FGD4: variants seen among roughly 807,000 people sequenced by gnomAD.
The protein encoded by FGD4 is FYVE, RhoGEF and PH domain-containing protein 4.
In FGD4, 42 loss-of-function variants were observed where a neutral mutation model predicts 102.0. That is an observed-to-expected ratio of 0.41 (90% CI 0.32 to 0.53). The LOEUF (loss-of-function observed/expected upper bound fraction) is 0.53, where lower values mean the gene tolerates loss of function less well. FGD4 is among the 20% of genes least tolerant of loss of function. The pLI is 0.21. For synonymous variants in FGD4, 380 were observed against 375.7 expected (o/e 1.01, Z -0.13); for missense variants, 902 against 1,078.2 (o/e 0.84, Z 2.29).
intron 1 of FGD4, among the ~76,000 whole-genome samples, chr12:32,551,316 A>G (rs752040337): frequency 6.6e-5 from 10 of 152,246 alleles, no homozygotes; most frequent in African/African-American, 9.6e-5. Context: ...GCATTATTAC[A>G]TAAGTGTTAG....
chr12:32,416,510 C>T (rs1445269690), intron 1 of FGD4, among the ~76,000 whole-genome samples: 5 of 151,792 alleles, frequency 3.3e-5, no homozygotes, highest in Non-Finnish European at 4.4e-5. Context: ...GTCCATTGTA[C>T]GTTGGACATG....
chr12:32,573,166 G>A (rs2136346635), intron 2 of FGD4, among the ~76,000 whole-genome samples: 1 of 152,274 alleles, frequency 6.6e-6, no homozygotes, highest in Non-Finnish European at 1.5e-5. Flanking sequence ...CGCGATCTCG[G>A]CTCACTGGAA....
intron 1 of FGD4, among the ~76,000 whole-genome samples, chr12:32,497,969 C>T (rs1212722046): frequency 1.3e-5 from 2 of 152,172 alleles, no homozygotes; most frequent in East Asian, 3.8e-4. Context: ...AATTTTAGAG[C>T]TGAAGAGACC....
intron 3 of FGD4, among the ~76,000 whole-genome samples, chr12:32,579,039 G>GTTTTTTTTTTTTTTTTTTTTTTTTT (rs35186090): frequency 1.5e-5 from 1 of 66,128 alleles, no homozygotes. Context: ...AACATTAGTG[G>GTTTTTTTTTTTTTTTTTTTTTTTTT]TTTTTTTTTT....
At chr12:32,575,838 G>A (rs1221800845) in intron 2 of FGD4, among the ~76,000 whole-genome samples, 3 of 152,180 alleles carry the variant, frequency 2.0e-5, no homozygotes, top group Non-Finnish European at 4.4e-5. Context: ...CTTATTAGCT[G>A]TGGATTCTGG....
At position 32,599,442 on chromosome 12, in the gene FGD4, C is replaced by T. The variant is rs527648093; in HGVS notation, c.1101+856C>T. On this transcript the variant is annotated intron_variant, in intron 5 of 16. Coordinates refer to ENST00000534526, the MANE Select transcript of FGD4 (RefSeq NM_001370298.3). Reference sequence around the variant, plus strand: ...CCGGGAGGCGGAGCTTGCAGTGAGCCGAGATCGCGCCACTAGCACTCCAGC... The same window carrying T: ...CCGGGAGGCGGAGCTTGCAGTGAGCTGAGATCGCGCCACTAGCACTCCAGC... Among the ~76,000 whole-genome samples the T allele has an allele frequency of 9.9e-3, 1,017 of 102,324 alleles. 14 individuals carry two copies. Among genetic ancestry groups the T allele is most frequent in the Non-Finnish European group, 0.016 (866 of 54,700 alleles). 67.1% of individuals were successfully genotyped at this position (102,324 alleles called of 152,430 possible). A position where few individuals can be genotyped will look rare whatever the true frequency, so the allele number is the denominator to read the frequency against.
At position 32,572,487 on chromosome 12, in the gene FGD4, A is replaced by G. The variant is rs1026073614; in HGVS notation, c.320-3779A>G. On this transcript the variant is annotated intron_variant, in intron 2 of 16. Transcript: ENST00000534526. Reference sequence around the variant, plus strand: ...AATTAATATTTATCTGATGAAAGGGAAAAAAATCTAAATAAATAAATAATT... The same window carrying G: ...AATTAATATTTATCTGATGAAAGGGGAAAAAATCTAAATAAATAAATAATT... 2.0e-5 allele frequency among the ~76,000 whole-genome samples: 3 copies of G among 152,182 alleles called. No homozygotes were observed. The South Asian group carries it at 6.2e-4, about 31-fold the overall frequency.
chr12:32,569,650 C>T (rs1319682797), intron 2 of FGD4, among the ~76,000 whole-genome samples: 3 of 152,144 alleles, frequency 2.0e-5, no homozygotes, highest in Non-Finnish European at 4.4e-5. Context: ...GCCCTCACCA[C>T]GTTTTCTCCT....
chr12:32,482,249 A>G (rs7961107), intron 1 of FGD4, among the ~76,000 whole-genome samples: 54,101 of 152,158 alleles, frequency 0.36, 9,904 homozygotes, highest in South Asian at 0.49. Context: ...GTCTTTTTCC[A>G]TAATCACAAT....
intron 1 of FGD4, among the ~76,000 whole-genome samples, chr12:32,562,973 C>T (rs1246545626): frequency 6.6e-6 from 1 of 152,126 alleles, no homozygotes; most frequent in African/African-American, 2.4e-5. Flanking sequence ...GGGCTTCTCA[C>T]ATCCCAGTAG....
chr12:32,502,275 A>T, intron 1 of FGD4: 1 of 985,432 alleles, frequency 1.0e-6, no homozygotes, highest in Non-Finnish European at 1.2e-6. Context: ...AGAACAAATG[A>T]AGGGAGTTTT....
chr12:32,537,487 C>T (rs1481119075), intron 1 of FGD4, among the ~76,000 whole-genome samples: 1 of 152,154 alleles, frequency 6.6e-6, no homozygotes, highest in Non-Finnish European at 1.5e-5. Context: ...ATTGCCACTT[C>T]TCTGCTCGCA....
At chr12:32,525,930 A>G (rs182046992) in intron 1 of FGD4, among the ~76,000 whole-genome samples, 1,816 of 152,328 alleles carry the variant, frequency 0.012, 94 homozygotes, top group Admixed American at 0.096. Context: ...CTCGGGACCT[A>G]CAGCCCGCCA....
intron 1 of FGD4, among the ~76,000 whole-genome samples, chr12:32,481,157 A>AAAAT (rs1565767387): frequency 6.8e-6 from 1 of 148,006 alleles, no homozygotes. Context: ...AAAAAAAAAA[A>AAAAT]GCCGGGCGCA....
intron 1 of FGD4, among the ~76,000 whole-genome samples, chr12:32,464,155 TTTTG>T (rs933831318): frequency 6.6e-5 from 10 of 152,116 alleles, no homozygotes; most frequent in East Asian, 3.9e-4. Context: ...GTTTTTGTTT[TTTTG>T]TTTGTTTGTT....
At chr12:32,625,126 A>C in intron 13 of FGD4, 58 bp downstream of exon 13, 1 of 1,418,482 alleles carries the variant, frequency 7.0e-7, no homozygotes, top group Non-Finnish European at 9.9e-7. Context: ...GGTGTAGAAG[A>C]TCTGTCTAAT....
chr12:32,481,158 G>A (rs1403751720), intron 1 of FGD4, among the ~76,000 whole-genome samples: 197 of 30,286 alleles, frequency 6.5e-3, no homozygotes, highest in Non-Finnish European at 9.4e-3. Flanking sequence ...AAAAAAAAAA[G>A]CCGGGCGCAG....
At chr12:32,536,402 C>A (rs992542188) in intron 1 of FGD4, among the ~76,000 whole-genome samples, 1 of 152,122 alleles carries the variant, frequency 6.6e-6, no homozygotes, top group Non-Finnish European at 1.5e-5. Context: ...TCATTTATTT[C>A]AAAAATAAAA....
At chr12:32,418,588 A>G (rs908811642) in intron 1 of FGD4, among the ~76,000 whole-genome samples, 1 of 152,126 alleles carries the variant, frequency 6.6e-6, no homozygotes, top group Non-Finnish European at 1.5e-5. Flanking sequence ...GTGCTAAACC[A>G]CCTGGACCTT....
Sources: allele counts gnomAD v4.1 joint callset (sites outside exome capture counted in the v4.1 genomes callset), GRCh38; gene constraint gnomAD v4.1.1; transcripts MANE v1.5; gene names NCBI Gene and HGNC (gene_info 2026-07-23, HGNC 2026-07-21).